Variants in MIDEAS observed in about 807,000 individuals in gnomAD.
MIDEAS encodes mitotic deacetylase associated SANT domain protein, also known as mitotic deacetylase-associated SANT domain protein.
In MIDEAS, 26 loss-of-function variants were observed where a neutral mutation model predicts 102.7. The ratio of observed to expected loss-of-function variants is 0.25; its 90% confidence interval spans 0.19 to 0.35. The LOEUF (loss-of-function observed/expected upper bound fraction) is 0.35. Ranked by LOEUF, MIDEAS falls within the 10% of genes least tolerant of loss-of-function variation. The pLI, the probability that MIDEAS is intolerant of heterozygous loss-of-function variation, is 1.00. For missense variants in MIDEAS, 1,231 were observed against 1,435.6 expected (o/e 0.86, Z 2.30); for synonymous variants, 585 against 591.0 (o/e 0.99, Z 0.15).
At chr14:73,734,661 G>A (rs1056902524) in intron 3 of MIDEAS, among the ~76,000 whole-genome samples, 1 of 151,996 alleles carries the variant, frequency 6.6e-6, no homozygotes, top group African/African-American at 2.4e-5. Context: ...GAACTCCTGG[G>A]CTCAAGCGAT....
In MIDEAS at chr14:73,727,492, C is replaced by G. The variant is rs753142375; in HGVS notation, c.2128G>C (p.Val710Leu). Residue 710 changes from valine (V) to leucine (L), a missense_variant, in exon 5 of 13, where the codon GTG (valine) becomes CTG (leucine). By Grantham distance (32) the Val-to-Leu change is conservative. Coordinates refer to ENST00000423556, the MANE Select transcript of MIDEAS (RefSeq NM_001367710.1). ...SAEVTPPVLS[V>L]MGEATPVSIE... is the part of the protein sequence containing the mutation. ...CTCACTGGGGTGGCCTCCCCCATCA[C>G]AGAGAGGACAGGCGGGGTTACTTCA... The G allele has an allele frequency of 3.7e-6, 6 of 1,613,608 alleles. No individual in the cohort carries two copies. The highest frequency in any genetic ancestry group is 5.1e-6 in the Non-Finnish European group (6 of 1,179,824).
chr14:73,718,900 GGCGGCAGCA>G lies in MIDEAS; in HGVS notation c.3234_3242del (p.Ala1082_Ala1084del). On this transcript the variant is annotated inframe_deletion, in exon 13 of 13. Transcript: ENST00000423556. The stretch of plus-strand genomic sequence containing the variant: ...GCAGGGCCTGCTGGTGGGCGGCGGC[GGCGGCAGCA>G]GCGGCCTCTTTCTCCTTCAGCCTCA... 2.0e-6 allele frequency: 3 copies of G among 1,520,468 alleles called. No homozygotes were observed. In the African/African-American group the frequency reaches 4.2e-5, roughly 21 times the overall value. 94.2% of individuals were successfully genotyped at this position (1,520,468 alleles called of 1,614,324 possible).
At chr14:73,786,078 G>A (rs191064350) in intron 1 of MIDEAS, among the ~76,000 whole-genome samples, 222 of 152,300 alleles carry the variant, frequency 1.5e-3, no homozygotes, top group African/African-American at 4.6e-3. Context: ...CTGCTGCTAG[G>A]AACTGCACCA....
chr14:73,719,265 C>G (rs373039392), intron 12 of MIDEAS, 40 bp downstream of exon 12: 686 of 1,595,142 alleles, frequency 4.3e-4, no homozygotes, highest in Admixed American at 5.5e-4. Flanking sequence ...CGCGCACCAG[C>G]CCGCGGGGGT....
intron 1 of MIDEAS, among the ~76,000 whole-genome samples, chr14:73,756,831 A>G (rs2140150629): frequency 6.6e-6 from 1 of 152,310 alleles, no homozygotes; most frequent in African/African-American, 2.4e-5. Flanking sequence ...AACTGGGTTC[A>G]CCAGCCCCAG....
Position 73,742,110 on chromosome 14 carries a change from G to C in MIDEAS, c.-247-1855C>G, listed in dbSNP as rs1325718597. Among the ~76,000 whole-genome samples, 3 of 152,258 alleles carry C rather than the reference G, an allele frequency of 2.0e-5. No individual in the cohort carries two copies. The highest frequency in any genetic ancestry group is 4.4e-5 in the Non-Finnish European group (3 of 68,050). Reference sequence around the variant, plus strand: ...ATGAAGCTGCAGGGTGGGACTGTCTGGCTCCGCCTCTCCGAGGGAACATCA... The same window carrying C: ...ATGAAGCTGCAGGGTGGGACTGTCTCGCTCCGCCTCTCCGAGGGAACATCA... On this transcript the variant is annotated intron_variant, in intron 1 of 12. Transcript: ENST00000423556. The surrounding 1 kb of genome is among the most constrained non-coding windows in gnomAD (Gnocchi z 4.4).
At chr14:73,726,548 G>T in intron 7 of MIDEAS, 56 bp downstream of exon 7, 1 of 1,541,672 alleles carries the variant, frequency 6.5e-7, no homozygotes, top group Non-Finnish European at 8.9e-7. Flanking sequence ...CAGCAGACAT[G>T]GATCCAAGCC....
At chr14:73,786,831 C>G (rs1001068069) in intron 1 of MIDEAS, among the ~76,000 whole-genome samples, 3 of 152,258 alleles carry the variant, frequency 2.0e-5, no homozygotes, top group East Asian at 1.9e-4. Context: ...CCCTTCCCCC[C>G]ACCCTACCTC....
intron 9 of MIDEAS, chr14:73,723,628 G>C (rs1243626427): frequency 2.0e-5 from 3 of 152,240 alleles, no homozygotes; most frequent in African/African-American, 7.2e-5. Context: ...ATATGTGTGT[G>C]TCTATGTTTA....
chr14:73,790,132 G>A (rs904431561), upstream of MIDEAS: 4 of 152,344 alleles, frequency 2.6e-5, no homozygotes, highest in East Asian at 1.9e-4. Flanking sequence ...CTGCCAGGGC[G>A]AGGGAGAACA....
At position 73,739,867 on chromosome 14, in the gene MIDEAS, C is replaced by T. The variant is rs375926720; in HGVS notation, c.142G>A (p.Gly48Arg). 3.8e-6 allele frequency: 6 copies of T among 1,588,826 alleles called. No homozygotes were observed. Among genetic ancestry groups the T allele is most frequent in the Non-Finnish European group, 4.3e-6 (5 of 1,164,814 alleles). Residue 48 changes from glycine (G) to arginine (R), a missense_variant, in exon 2 of 13, where the codon GGG becomes AGG. Physicochemically the swap from Gly to Arg is moderately radical, Grantham distance 125. Transcript: ENST00000423556. ...ACTGCCCCTCCTGGACCCTCGTGCCCGAGGTACTGCTCCTCCTTCACTCTG... is the reference window on the plus strand; with the variant it reads ...ACTGCCCCTCCTGGACCCTCGTGCCTGAGGTACTGCTCCTCCTTCACTCTG... ...SIRVKEEQYLGHEGPGGAVST... is the reference protein window; with the variant it reads ...SIRVKEEQYLRHEGPGGAVST...
intron 1 of MIDEAS, among the ~76,000 whole-genome samples, chr14:73,746,442 C>A (rs1053429529): frequency 6.6e-6 from 1 of 152,324 alleles, no homozygotes; most frequent in East Asian, 1.9e-4. Flanking sequence ...GGGATCCCAG[C>A]AGGAGTAGGG....
chr14:73,756,888 G>C (rs1269012385), intron 1 of MIDEAS, among the ~76,000 whole-genome samples: 1 of 152,232 alleles, frequency 6.6e-6, no homozygotes, highest in Non-Finnish European at 1.5e-5. Flanking sequence ...GATGCAATCT[G>C]AGGAGGTTCC....
chr14:73,763,627 G>T (rs1272273086), upstream of MIDEAS, among the ~76,000 whole-genome samples: 1 of 152,168 alleles, frequency 6.6e-6, no homozygotes, highest in East Asian at 1.9e-4. Context: ...GGGGAACTGG[G>T]AGTACAAATA....
chr14:73,744,117 G>T (rs1187705721), intron 1 of MIDEAS, among the ~76,000 whole-genome samples: 2 of 152,076 alleles, frequency 1.3e-5, no homozygotes, highest in African/African-American at 4.8e-5. Context: ...AGGGGAAGGT[G>T]CTGGAAAGGC....
chr14:73,780,344 C>A (rs2053743412), intron 1 of MIDEAS, among the ~76,000 whole-genome samples: 1 of 152,208 alleles, frequency 6.6e-6, no homozygotes, highest in Admixed American at 6.5e-5. Context: ...ATTTCTTCCA[C>A]CATCTCTCCA....
rs569103699 is a variant in MIDEAS at position 73,727,301 on chromosome 14, G to A, written c.2162+157C>T. On this transcript the variant is annotated intron_variant, in intron 5 of 12. Coordinates refer to ENST00000423556, the MANE Select transcript of MIDEAS (RefSeq NM_001367710.1). Reference sequence around the variant, plus strand: ...AACTTCCACACAGAGGCAGGGCGGGGACAGCAAAGCCCAGGGCCACATACA... The same window carrying A: ...AACTTCCACACAGAGGCAGGGCGGGAACAGCAAAGCCCAGGGCCACATACA... 193 of 772,708 alleles carry A rather than the reference G, an allele frequency of 2.5e-4. 3 individuals are homozygous for A. In the South Asian group the frequency reaches 3.0e-3, roughly 12 times the overall value. 47.9% of individuals were successfully genotyped at this position (772,708 alleles called of 1,614,324 possible).
At chr14:73,750,581 T>C (rs1266340170) in intron 1 of MIDEAS, among the ~76,000 whole-genome samples, 1 of 152,158 alleles carries the variant, frequency 6.6e-6, no homozygotes, top group Admixed American at 6.5e-5. Context: ...CAGCACCATC[T>C]CACTCTGGAA....
At chr14:73,768,337 C>T (rs1361550889) in intron 1 of MIDEAS, among the ~76,000 whole-genome samples, 1 of 151,970 alleles carries the variant, frequency 6.6e-6, no homozygotes, top group Non-Finnish European at 1.5e-5. Context: ...ACCTCTGGAC[C>T]CTCTGAAGCT....
Sources: allele counts gnomAD v4.1 joint callset (sites outside exome capture counted in the v4.1 genomes callset), GRCh38; gene constraint gnomAD v4.1.1; non-coding constraint Gnocchi (gnomAD v3.1); transcripts MANE v1.5; gene names NCBI Gene and HGNC (gene_info 2026-07-23, HGNC 2026-07-21).